CELF2: variants seen among roughly 807,000 people sequenced by gnomAD.
CELF2 encodes the protein CUGBP Elav-like family member 2.
CELF2 carries 8 observed loss-of-function variants against 62.6 expected under a neutral mutation model. The ratio of observed to expected loss-of-function variants is 0.13; its 90% confidence interval spans 0.07 to 0.23. CELF2 has a LOEUF of 0.23. Among genes scored for constraint, CELF2 ranks in the 10% least tolerant of loss-of-function variants. CELF2 has a pLI of 1.00. For synonymous variants in CELF2, 258 were observed against 250.0 expected, an observed-to-expected ratio of 1.03 and a Z score of -0.30; for missense variants, 333 against 671.0, an observed-to-expected ratio of 0.50 and a Z score of 5.56.
chr10:10,783,108 T>C, the CELF2 span, among the ~76,000 whole-genome samples: 1 of 152,192 alleles, frequency 6.6e-6, no homozygotes, highest in Non-Finnish European at 1.5e-5. Context: ...TTTCACTCTT[T>C]CTGGTTAGTC....
chr10:11,032,935 AT>A (rs2060355769), intron 1 of CELF2, among the ~76,000 whole-genome samples: 1 of 152,240 alleles, frequency 6.6e-6, no homozygotes, highest in Non-Finnish European at 1.5e-5. Flanking sequence ...ATAAACTCAA[AT>A]GTATGTTGGG....
At chr10:11,230,304 T>G (rs984964329) in intron 3 of CELF2, among the ~76,000 whole-genome samples, 1 of 152,214 alleles carries the variant, frequency 6.6e-6, no homozygotes, top group African/African-American at 2.4e-5. Flanking sequence ...AATTTTTTTT[T>G]TAATTGAAAA....
the CELF2 span, among the ~76,000 whole-genome samples, chr10:10,505,720 G>T: frequency 2.6e-4 from 39 of 152,332 alleles, 1 homozygote; most frequent in South Asian, 8.1e-3. Flanking sequence ...GAACTCATCT[G>T]AAGTACAGCA....
intron 1 of CELF2, among the ~76,000 whole-genome samples, chr10:10,811,481 G>A (rs1453276641): frequency 1.3e-5 from 2 of 152,120 alleles, no homozygotes; most frequent in African/African-American, 2.4e-5. Context: ...CACAGAGATG[G>A]GGGGAGAGGG....
the CELF2 span, among the ~76,000 whole-genome samples, chr10:10,529,833 A>T: frequency 2.0e-5 from 3 of 152,154 alleles, no homozygotes; most frequent in African/African-American, 7.2e-5. Context: ...AAGATGTTCT[A>T]CCCCAGAATC....
chr10:11,004,403 C>CTGTG (rs540226284), upstream of CELF2, among the ~76,000 whole-genome samples: 1 of 146,518 alleles, frequency 6.8e-6, no homozygotes, highest in African/African-American at 2.7e-5. The surrounding 1 kb of genome is among the most constrained non-coding windows in gnomAD (Gnocchi z 5.0). Context: ...CTCTTCTTTC[C>CTGTG]TGTGTGTGTG....
intron 1 of CELF2, among the ~76,000 whole-genome samples, chr10:11,109,512 C>T (rs955147556): frequency 5.3e-5 from 8 of 152,116 alleles, no homozygotes; most frequent in African/African-American, 1.9e-4. Context: ...CATTTTCACA[C>T]GAAGAATCTG....
At chr10:10,547,230 C>T in the CELF2 span, among the ~76,000 whole-genome samples, 5 of 152,240 alleles carry the variant, frequency 3.3e-5, no homozygotes, top group East Asian at 7.7e-4. Context: ...CGAGAAATAT[C>T]CATGACAAAT....
chr10:10,758,562 G>A, the CELF2 span, among the ~76,000 whole-genome samples: 8 of 148,834 alleles, frequency 5.4e-5, no homozygotes, highest in East Asian at 4.2e-4. Context: ...CAGAGCCTAC[G>A]CTGTCCCAGT....
At chr10:10,839,650 G>A (rs2058548290) in intron 1 of CELF2, among the ~76,000 whole-genome samples, 1 of 152,198 alleles carries the variant, frequency 6.6e-6, no homozygotes, top group South Asian at 2.1e-4. Context: ...CTTCAAATGT[G>A]TGTAATAGAG....
chr10:10,480,919 G>A, the CELF2 span, among the ~76,000 whole-genome samples: 1 of 152,022 alleles, frequency 6.6e-6, no homozygotes, highest in Admixed American at 6.5e-5. Context: ...AAAGAATCTT[G>A]CCCAGTGGTA....
chr10:11,202,949 C>G (rs1242232864), intron 2 of CELF2, among the ~76,000 whole-genome samples: 477 of 44,096 alleles, frequency 0.011, 3 homozygotes, highest in Non-Finnish European at 0.014. Flanking sequence ...CTCTCTCTCT[C>G]TCTGTGTGTG....
chr10:11,125,698 C>G (rs999281738), intron 1 of CELF2, among the ~76,000 whole-genome samples: 1 of 152,170 alleles, frequency 6.6e-6, no homozygotes, highest in Middle Eastern at 3.2e-3. Flanking sequence ...TGTCACCTCT[C>G]GGTTTTGCTA....
At chr10:11,063,521 G>C (rs751864989) in intron 1 of CELF2, among the ~76,000 whole-genome samples, 3 of 152,084 alleles carry the variant, frequency 2.0e-5, no homozygotes, top group Non-Finnish European at 4.4e-5. Context: ...GAGTAATTTG[G>C]GGTCACATTT....
intron 2 of CELF2, among the ~76,000 whole-genome samples, chr10:10,930,576 A>G (rs1288280002): frequency 1.3e-5 from 2 of 152,198 alleles, no homozygotes; most frequent in East Asian, 3.8e-4. Context: ...ATTTGTCGCC[A>G]TAGAGAATTG....
the CELF2 span, among the ~76,000 whole-genome samples, chr10:10,498,874 G>A: frequency 6.6e-6 from 1 of 152,168 alleles, no homozygotes; most frequent in African/African-American, 2.4e-5. Flanking sequence ...ACCACAGGGA[G>A]ATGGGAGAGA....
the CELF2 span, among the ~76,000 whole-genome samples, chr10:10,660,741 C>T: frequency 6.6e-6 from 1 of 152,210 alleles, no homozygotes; most frequent in Non-Finnish European, 1.5e-5. Context: ...GAACATTTTA[C>T]ATTTTTGCAA....
chr10:11,026,946 G>C (rs1407136195), intron 1 of CELF2, among the ~76,000 whole-genome samples: 1 of 152,188 alleles, frequency 6.6e-6, no homozygotes, highest in Non-Finnish European at 1.5e-5. Context: ...AGGGTGGCGT[G>C]TTTCGGAATG....
chr10:11,119,959 C>T (rs2057403203), intron 1 of CELF2, among the ~76,000 whole-genome samples: 1 of 140,906 alleles, frequency 7.1e-6, no homozygotes, highest in Admixed American at 7.7e-5. Context: ...TTTTGATAAT[C>T]ACATATAATT....
Sources: gnomAD v4.1 joint callset for allele counts (sites outside exome capture counted in the v4.1 genomes callset) on GRCh38, gnomAD v4.1.1 for gene constraint, Gnocchi (gnomAD v3.1) non-coding constraint, MANE v1.5 for transcripts, NCBI Gene and HGNC (gene_info 2026-07-23, HGNC 2026-07-21) for gene names.